The following ELMOD1 variants were observed in gnomAD, a reference collection of about 807,000 sequenced individuals.
ELMOD1 encodes the protein ELMO domain containing 1, also known as ELMO domain-containing protein 1.
A neutral mutation model predicts 46.7 loss-of-function variants in ELMOD1; 21 were observed. The observed-to-expected ratio is 0.45, with a 90% CI of 0.32 to 0.65. The LOEUF (loss-of-function observed/expected upper bound fraction) is 0.65, where lower values mean the gene tolerates loss of function less well. Ranked by LOEUF, ELMOD1 falls within the 30% of genes least tolerant of loss-of-function variation. The pLI is 0.04. For synonymous variants in ELMOD1, 122 were observed against 138.2 expected (o/e 0.88, Z 0.82); for missense variants, 348 against 407.8 (o/e 0.85, Z 1.26).
At chr11:107,657,271 C>G (rs573006798) in intron 11 of ELMOD1, among the ~76,000 whole-genome samples, 1 of 152,318 alleles carries the variant, frequency 6.6e-6, no homozygotes, top group Admixed American at 6.5e-5. Context: ...AGACTGGGCA[C>G]TGCACATCAC....
At chr11:107,631,515 C>A in intron 4 of ELMOD1, 65 bp from the exon 5 acceptor site, 1 of 924,320 alleles carries the variant, frequency 1.1e-6, no homozygotes. Flanking sequence ...AGCCTCTATC[C>A]CAGTAGATAC....
intron 11 of ELMOD1, among the ~76,000 whole-genome samples, chr11:107,661,569 A>C (rs1866740722): frequency 6.6e-6 from 1 of 152,234 alleles, no homozygotes; most frequent in African/African-American, 2.4e-5. Flanking sequence ...TGTTTATTTG[A>C]GCTCAGAGAC....
intron 7 of ELMOD1, among the ~76,000 whole-genome samples, chr11:107,649,450 T>C (rs1591133295): frequency 6.6e-6 from 1 of 152,218 alleles, no homozygotes; most frequent in East Asian, 1.9e-4. Context: ...ATAAAGGATC[T>C]ATGTTCAGTA....
chr11:107,601,883 C>G (rs1182207312), intron 1 of ELMOD1, among the ~76,000 whole-genome samples: 1 of 152,012 alleles, frequency 6.6e-6, no homozygotes, highest in South Asian at 2.1e-4. Flanking sequence ...CTCTAATGCA[C>G]TCTGAACTGG....
chr11:107,605,491 G>A (rs1393033952), intron 1 of ELMOD1, among the ~76,000 whole-genome samples: 1 of 152,154 alleles, frequency 6.6e-6, no homozygotes, highest in Non-Finnish European at 1.5e-5. Context: ...ATAAGCCAGG[G>A]CGCCCAGCCT....
At chr11:107,640,753 G>T (rs1026038996) in intron 6 of ELMOD1, among the ~76,000 whole-genome samples, 3 of 152,130 alleles carry the variant, frequency 2.0e-5, no homozygotes, top group African/African-American at 7.2e-5. Flanking sequence ...AATCAGTTTA[G>T]CAATAAAACC....
At chr11:107,607,758 A>T (rs1865710217) in intron 1 of ELMOD1, among the ~76,000 whole-genome samples, 1 of 152,232 alleles carries the variant, frequency 6.6e-6, no homozygotes, top group African/African-American at 2.4e-5. Flanking sequence ...GCTTTGGATC[A>T]ATCTTATTTT....
chr11:107,642,036 C>A (rs1033241595), intron 6 of ELMOD1, among the ~76,000 whole-genome samples: 2 of 150,998 alleles, frequency 1.3e-5, no homozygotes, highest in Non-Finnish European at 2.9e-5. Context: ...CCTCTGCCTC[C>A]CGGGTTCAAG....
intron 11 of ELMOD1, among the ~76,000 whole-genome samples, chr11:107,663,470 T>G (rs1173749371): frequency 6.7e-6 from 1 of 150,176 alleles, no homozygotes; most frequent in African/African-American, 2.5e-5. Context: ...CATTGCAAGA[T>G]CTTTCCTCTA....
At chr11:107,621,360 G>A (rs963762541) in intron 2 of ELMOD1, among the ~76,000 whole-genome samples, 4 of 152,180 alleles carry the variant, frequency 2.6e-5, no homozygotes, top group African/African-American at 7.2e-5. Context: ...GCAATCAAGG[G>A]AAAAAACTAT....
At chr11:107,623,768 G>T (rs1036473032) in intron 2 of ELMOD1, 1 of 152,100 alleles carries the variant, frequency 6.6e-6, no homozygotes, top group African/African-American at 2.4e-5. Context: ...GGACAGGGAG[G>T]TCATATGGCT....
chr11:107,654,762 C>T (rs143817295), intron 10 of ELMOD1, among the ~76,000 whole-genome samples: 11,890 of 142,148 alleles, frequency 0.084, 618 homozygotes, highest in Non-Finnish European at 0.11. Context: ...AAGCGAGACT[C>T]CGTCTCAAAA....
intron 6 of ELMOD1, among the ~76,000 whole-genome samples, chr11:107,636,415 G>T (rs1392584901): frequency 1.3e-5 from 2 of 152,128 alleles, no homozygotes; most frequent in African/African-American, 4.8e-5. Context: ...AAGAAATTAA[G>T]ACCCCACAAT....
At chr11:107,657,144 G>A (rs747807407) in intron 11 of ELMOD1, among the ~76,000 whole-genome samples, 56 of 152,160 alleles carry the variant, frequency 3.7e-4, no homozygotes, top group Non-Finnish European at 6.2e-4. Flanking sequence ...ACTGGAAAGA[G>A]ATGACCCCGA....
At chr11:107,628,827 A>G (rs1438744703) in intron 2 of ELMOD1, among the ~76,000 whole-genome samples, 1 of 152,034 alleles carries the variant, frequency 6.6e-6, no homozygotes, top group African/African-American at 2.4e-5. Context: ...AAAGAAAATT[A>G]AAATTACTGA....
chr11:107,610,725 G>T (rs7123473), intron 1 of ELMOD1, among the ~76,000 whole-genome samples: 1 of 151,220 alleles, frequency 6.6e-6, no homozygotes, highest in East Asian at 1.9e-4. Flanking sequence ...TATAAACCAG[G>T]CTTACATGTA....
At position 107,660,829 on chromosome 11, in the gene ELMOD1, C is replaced by T. The variant is rs76560250; in HGVS notation, c.833-4196C>T. On this transcript the variant is annotated intron_variant, in intron 11 of 11. Transcript: ENST00000265840. ...CATGCCACTTTGTTAGCTTCCATAG[C>T]GAACAAATCATCAGCTGCAATTATA... Among the ~76,000 whole-genome samples, 122 of 152,302 alleles carry T rather than the reference C, an allele frequency of 8.0e-4. 4 individuals are homozygous for T. In the East Asian group the frequency reaches 0.021, roughly 27 times the overall value.
At position 107,663,574 on chromosome 11, in the gene ELMOD1, A is replaced by G. The variant is rs375590632; in HGVS notation, c.833-1451A>G. Among the ~76,000 whole-genome samples, 24 of 152,308 alleles carry G rather than the reference A, an allele frequency of 1.6e-4. 1 individual carries two copies. The highest frequency in any genetic ancestry group is 1.2e-3 in the East Asian group (6 of 5,186). ...ACAGAGAGACCACATACTTAAACAA[A>G]TATAAGCATGCTTAACAATGCAATG... On this transcript the variant is annotated intron_variant, in intron 11 of 11. Transcript: ENST00000265840.
intron 11 of ELMOD1, among the ~76,000 whole-genome samples, chr11:107,662,623 A>C (rs1289854639): frequency 1.4e-5 from 2 of 144,112 alleles, no homozygotes; most frequent in Admixed American, 7.0e-5. Context: ...AAAAAAAACA[A>C]CAAAAAAAAA....
Sources: allele counts gnomAD v4.1 joint callset (sites outside exome capture counted in the v4.1 genomes callset), GRCh38; gene constraint gnomAD v4.1.1; transcripts MANE v1.5; gene names NCBI Gene and HGNC (gene_info 2026-07-23, HGNC 2026-07-21).